The following TET1 variants were observed in gnomAD, a reference collection of about 807,000 sequenced individuals.
TET1 encodes tet methylcytosine dioxygenase 1, also known as methylcytosine dioxygenase TET1.
Under a neutral mutation model 148.7 loss-of-function variants are expected in TET1, and 13 were observed. The observed-to-expected ratio is 0.09, with a 90% confidence interval of 0.06 to 0.14. The LOEUF (loss-of-function observed/expected upper bound fraction) is 0.14. Among genes scored for constraint, TET1 ranks in the 10% least tolerant of loss-of-function variants. The probability of loss-of-function intolerance (pLI) is 1.00; values close to 1 mark genes in which losing one functional copy is unlikely to be tolerated. For missense variants in TET1, 2,182 were observed against 2,553.8 expected (o/e 0.85, Z 3.14); for synonymous variants, 907 against 937.2 (o/e 0.97, Z 0.59).
chr10:68,660,633 A>C (rs1589119575), intron 6 of TET1, among the ~76,000 whole-genome samples: 1 of 126,840 alleles, frequency 7.9e-6, no homozygotes, highest in East Asian at 2.4e-4. Context: ...TGCCTGGCCA[A>C]TTTTTTTTTT....
chr10:68,575,631 G>A (rs2053720417), intron 2 of TET1, among the ~76,000 whole-genome samples: 1 of 151,960 alleles, frequency 6.6e-6, no homozygotes, highest in African/African-American at 2.4e-5. Flanking sequence ...GAACCCGGGA[G>A]GCGGAGGTTT....
At chr10:68,624,166 G>A (rs1006697719) in intron 3 of TET1, among the ~76,000 whole-genome samples, 1 of 148,482 alleles carries the variant, frequency 6.7e-6, no homozygotes, top group Non-Finnish European at 1.5e-5. Flanking sequence ...TCGCAATCTC[G>A]GCCCACTGAA....
intron 7 of TET1, among the ~76,000 whole-genome samples, chr10:68,669,718 T>C (rs2055247286): frequency 6.6e-6 from 1 of 150,702 alleles, no homozygotes; most frequent in South Asian, 2.1e-4. Context: ...GGTGCAATCT[T>C]GGCTCACTGC....
chr10:68,579,759 C>T (rs572052285), intron 2 of TET1, among the ~76,000 whole-genome samples: 13 of 152,200 alleles, frequency 8.5e-5, no homozygotes, highest in African/African-American at 2.7e-4. Context: ...TTTGCAAAAC[C>T]CACTTCTGTC....
intron 3 of TET1, among the ~76,000 whole-genome samples, chr10:68,631,433 C>CTTTTTTTTTTTTTTTTT (rs546257824): frequency 2.1e-4 from 23 of 110,572 alleles, no homozygotes; most frequent in African/African-American, 2.7e-4. Context: ...TTTCTTTCTT[C>CTTTTTTTTTTTTTTTTT]TTTTTTTTTT....
Position 68,691,862 on chromosome 10 carries a change from T to C in TET1, c.*48T>C. ...GCCTTTGCTAGTGCAGTGTATTTTT[T>C]CAAGGTGCTGTTAAAAGAAAGTCAT... On this transcript the variant is annotated 3_prime_UTR_variant, in exon 12 of 12. Transcript: ENST00000373644. The surrounding 1 kb of genome is among the most constrained non-coding windows in gnomAD (Gnocchi z 4.4). 1.3e-6 allele frequency: 2 copies of C among 1,536,534 alleles called. No individual in the cohort carries two copies. The highest frequency in any genetic ancestry group is 1.8e-4 in the Middle Eastern group (1 of 5,688).
chr10:68,650,873 C>T (rs7913568), intron 4 of TET1, among the ~76,000 whole-genome samples: 109,734 of 151,992 alleles, frequency 0.72, 41,159 homozygotes, highest in East Asian at 0.84. Flanking sequence ...AGAAATACGA[C>T]GCAAACATCT....
chr10:68,580,490 T>C (rs1390034925), intron 2 of TET1, among the ~76,000 whole-genome samples: 1 of 150,566 alleles, frequency 6.6e-6, no homozygotes, highest in African/African-American at 2.4e-5. Context: ...TAAAAATCTT[T>C]TGTAGAAGGC....
intron 6 of TET1, among the ~76,000 whole-genome samples, chr10:68,658,146 T>A (rs1037033505): frequency 2.0e-5 from 3 of 152,242 alleles, no homozygotes; most frequent in Non-Finnish European, 2.9e-5. Flanking sequence ...TCCATGTATA[T>A]GCTTAGGTTT....
chr10:68,683,273 A>AATTT (rs2055461353), intron 10 of TET1, among the ~76,000 whole-genome samples: 1 of 151,784 alleles, frequency 6.6e-6, no homozygotes, highest in East Asian at 1.9e-4. Flanking sequence ...CTTTTTTTTA[A>AATTT]ATTTATTTAT....
At chr10:68,664,233 G>A (rs2133165824) in intron 6 of TET1, among the ~76,000 whole-genome samples, 1 of 151,906 alleles carries the variant, frequency 6.6e-6, no homozygotes, top group East Asian at 1.9e-4. Context: ...CTATTGTGAA[G>A]TGCCTATTCA....
intron 1 of TET1, among the ~76,000 whole-genome samples, chr10:68,565,543 T>G (rs1447629134): frequency 1.3e-5 from 2 of 150,472 alleles, no homozygotes; most frequent in East Asian, 3.9e-4. Flanking sequence ...GAATAATCTA[T>G]GACAGAAGCA....
chr10:68,691,406 T>C lies in TET1; in HGVS notation c.6003T>C (p.Phe2001=), dbSNP rs138898859. 1.2e-5 allele frequency: 19 copies of C among 1,614,030 alleles called. No individual in the cohort carries two copies. Among genetic ancestry groups the C allele is most frequent in the Non-Finnish European group, 1.6e-5 (19 of 1,180,052 alleles). The change falls in exon 12 of 12, where the codon TTT becomes TTC. Residue 2001 remains phenylalanine (F), a synonymous_variant. Coordinates refer to ENST00000373644, the MANE Select transcript of TET1 (RefSeq NM_030625.3). This position sits in a 1 kb window ranked among gnomAD's most constrained non-coding sequence, Gnocchi z 4.4. ...ATTGGTCAGACAGTGAGCACATCTTTTTGGATGCAAATATTGGTGGGGTGG... is the reference window on the plus strand; with the variant it reads ...ATTGGTCAGACAGTGAGCACATCTTCTTGGATGCAAATATTGGTGGGGTGG... The part of the protein sequence containing the change: ...DEYWSDSEHI[F]LDANIGGVAI...
At chr10:68,571,504 C>T (rs1374455201) in intron 1 of TET1, among the ~76,000 whole-genome samples, 3 of 148,830 alleles carry the variant, frequency 2.0e-5, no homozygotes, top group Non-Finnish European at 3.0e-5. Context: ...TAGTCTGAAA[C>T]TCCTGACCAC....
At chr10:68,611,678 C>T (rs201510339) in intron 3 of TET1, among the ~76,000 whole-genome samples, 29,135 of 77,758 alleles carry the variant, frequency 0.37, 3,159 homozygotes, top group African/African-American at 0.42. Flanking sequence ...TCTTTTCTTT[C>T]TTTTCTTTTC....
intron 3 of TET1, among the ~76,000 whole-genome samples, chr10:68,619,086 G>T (rs115537264): frequency 0.014 from 2,173 of 152,234 alleles, 60 homozygotes; most frequent in African/African-American, 0.05. Context: ...CTGTATACTT[G>T]TTCCTCCCTT....
chr10:68,626,833 G>A (rs1318227164), intron 3 of TET1, among the ~76,000 whole-genome samples: 4 of 152,188 alleles, frequency 2.6e-5, no homozygotes, highest in African/African-American at 9.6e-5. Context: ...ACAGATGCAA[G>A]CTACTATGAC....
chr10:68,570,576 G>A (rs1436657203), intron 1 of TET1, among the ~76,000 whole-genome samples: 1 of 151,916 alleles, frequency 6.6e-6, no homozygotes, highest in Non-Finnish European at 1.5e-5. Flanking sequence ...TACTTTCTGT[G>A]TTGATTATAT....
intron 2 of TET1, among the ~76,000 whole-genome samples, chr10:68,577,755 C>A (rs1304963787): frequency 6.6e-6 from 1 of 152,116 alleles, no homozygotes. Context: ...TTGCAGTGAG[C>A]CAAGATCGCA....
Sources: gnomAD v4.1 joint callset for allele counts (sites outside exome capture counted in the v4.1 genomes callset) on GRCh38, gnomAD v4.1.1 for gene constraint, Gnocchi (gnomAD v3.1) non-coding constraint, MANE v1.5 for transcripts, NCBI Gene and HGNC (gene_info 2026-07-23, HGNC 2026-07-21) for gene names.